Variants in P3H2 observed in about 807,000 individuals in gnomAD.
P3H2 encodes prolyl 3-hydroxylase 2, also known as leprecan-like 1.
Under a neutral mutation model 87.0 loss-of-function variants are expected in P3H2, and 80 were observed. That is an observed-to-expected ratio of 0.92 (90% confidence interval 0.77 to 1.11). The LOEUF is 1.11. Among genes scored for constraint, P3H2 ranks in the 50% least tolerant of loss-of-function variants. P3H2 has a pLI of 0.00. For missense variants in P3H2, 1,001 were observed against 923.9 expected (o/e 1.08, Z -1.08); for synonymous variants, 367 against 359.3 (o/e 1.02, Z -0.24).
At chr3:189,999,788 A>G (rs1724154764) in intron 1 of P3H2, among the ~76,000 whole-genome samples, 1 of 152,230 alleles carries the variant, frequency 6.6e-6, no homozygotes, top group South Asian at 2.1e-4. Context: ...CGTTTAGGGG[A>G]GGCCACTGAG....
chr3:190,109,118 A>G (rs1022085916), intron 1 of P3H2, among the ~76,000 whole-genome samples: 4 of 152,184 alleles, frequency 2.6e-5, no homozygotes, highest in African/African-American at 4.8e-5. Flanking sequence ...CGTGAGACAG[A>G]TATCAGAGTG....
At chr3:189,981,348 C>G (rs751475073) in intron 8 of P3H2, among the ~76,000 whole-genome samples, 2 of 152,174 alleles carry the variant, frequency 1.3e-5, no homozygotes, top group African/African-American at 2.4e-5. Flanking sequence ...TCCAGACAGA[C>G]AGTGTCAGAA....
intron 8 of P3H2, 109 bp from the exon 9 acceptor site, chr3:189,974,794 G>C (rs1319686077): frequency 1.5e-6 from 2 of 1,321,020 alleles, no homozygotes; most frequent in South Asian, 1.2e-5. Flanking sequence ...ATTTCTTCAT[G>C]AATATTTAGA....
intron 1 of P3H2, among the ~76,000 whole-genome samples, chr3:190,058,128 G>A (rs550223209): frequency 6.6e-6 from 1 of 152,204 alleles, no homozygotes; most frequent in African/African-American, 2.4e-5. Flanking sequence ...AGTCATTCCT[G>A]ACTTAATATA....
chr3:189,969,204 A>G, intron 13 of P3H2: 1 of 722,116 alleles, frequency 1.4e-6, no homozygotes, highest in Non-Finnish European at 2.6e-6. Flanking sequence ...TCCAGCAGTC[A>G]TAATCTGTCA....
At chr3:190,051,292 C>T (rs1725973296) in intron 1 of P3H2, among the ~76,000 whole-genome samples, 1 of 152,052 alleles carries the variant, frequency 6.6e-6, no homozygotes, top group African/African-American at 2.4e-5. Flanking sequence ...ACAACCAATA[C>T]AAAATAACAT....
chr3:190,090,831 C>A (rs560158565), intron 1 of P3H2, among the ~76,000 whole-genome samples: 1 of 152,258 alleles, frequency 6.6e-6, no homozygotes, highest in South Asian at 2.1e-4. Flanking sequence ...AGAGCCCCAC[C>A]CCATTTCCTC....
intron 1 of P3H2, among the ~76,000 whole-genome samples, chr3:190,042,295 G>A (rs968680750): frequency 1.8e-4 from 28 of 152,146 alleles, no homozygotes; most frequent in African/African-American, 6.5e-4. Context: ...TTTGTGGCAA[G>A]TAACTATGAA....
At chr3:190,037,265 C>A (rs1725455044) in intron 1 of P3H2, among the ~76,000 whole-genome samples, 1 of 151,790 alleles carries the variant, frequency 6.6e-6, no homozygotes, top group Non-Finnish European at 1.5e-5. Flanking sequence ...ACTGCCTTCC[C>A]TAAAAGGAGA....
chr3:190,089,547 G>A lies in P3H2; in HGVS notation c.480+30705C>T, dbSNP rs541767400. Among the ~76,000 whole-genome samples, 11 of 152,266 alleles carry A rather than the reference G, an allele frequency of 7.2e-5. No individual in the cohort carries two copies. In the South Asian group the frequency reaches 1.9e-3, roughly 26 times the overall value. ...CCTTCTGTTCCCGCCCTCCCAACAG[G>A]AGGACTGGACGGATGTTCTGTCCTG... is the stretch of plus-strand genomic sequence containing the variant. On this transcript the variant is annotated intron_variant, in intron 1 of 14. Transcript: ENST00000319332.
chr3:190,024,530 C>CAAAAAAAAAAAAAA (rs71635314), intron 1 of P3H2, among the ~76,000 whole-genome samples: 4 of 52,952 alleles, frequency 7.6e-5, no homozygotes, highest in Admixed American at 2.5e-4. Context: ...GGTTCCCTCT[C>CAAAAAAAAAAAAAA]AAAAAAAAAA....
chr3:189,994,200 T>C lies in P3H2; in HGVS notation c.717A>G (p.Glu239=). The change falls in exon 3 of 15, where the codon GAA becomes GAG. Residue 239 remains glutamate (E), a synonymous_variant. Transcript: ENST00000319332. ...AIRHFEQALR[E]YFVEDTECRT... ...GGCATTCTGTATCTTCAACGAAATA[T>C]TCTCTTAAGGCTTGTTCGAAGTGCC... The C allele has an allele frequency of 1.9e-6, 3 of 1,613,834 alleles. No homozygotes were observed. Among genetic ancestry groups the C allele is most frequent in the Non-Finnish European group, 2.5e-6 (3 of 1,179,850 alleles).
In P3H2 at chr3:190,055,872, C is replaced by G. The variant is rs113377606; in HGVS notation, c.481-60430G>C. ...TTTTTCCTTCTTGGGATGTACTATGCTTTGTAATTGGGATTTACTTGTGTG... is the reference window on the plus strand; with the variant it reads ...TTTTTCCTTCTTGGGATGTACTATGGTTTGTAATTGGGATTTACTTGTGTG... On this transcript the variant is annotated intron_variant, in intron 1 of 14. Transcript: ENST00000319332. Among the ~76,000 whole-genome samples the G allele has an allele frequency of 3.1e-3, 468 of 152,214 alleles. 3 individuals are homozygous for G. The highest frequency in any genetic ancestry group is 0.011 in the African/African-American group (440 of 41,538).
chr3:189,962,208 G>A (rs1477960313), intron 14 of P3H2, among the ~76,000 whole-genome samples: 8 of 118,764 alleles, frequency 6.7e-5, no homozygotes, highest in African/African-American at 2.3e-4. Flanking sequence ...CACTCTTGTC[G>A]CCCAGGTTAC....
chr3:189,964,234 T>G (rs111388236), intron 13 of P3H2, 136 bp from the exon 14 acceptor site: 1 of 815,166 alleles, frequency 1.2e-6, no homozygotes, highest in Non-Finnish European at 2.0e-6. Flanking sequence ...TTGAAGATGA[T>G]GTAAATTATC....
In P3H2 at chr3:190,109,909, C is replaced by T. The variant is rs551583779; in HGVS notation, c.480+10343G>A. 3.3e-4 allele frequency among the ~76,000 whole-genome samples: 47 copies of T among 142,760 alleles called. No individual in the cohort carries two copies. In the Middle Eastern group the frequency reaches 0.015, roughly 46 times the overall value. 93.7% of individuals were successfully genotyped at this position (142,760 alleles called of 152,430 possible). A position where few individuals can be genotyped will look rare whatever the true frequency, so the allele number is the denominator to read the frequency against. ...TATTGCCTAGGCTGGAATGCAGTGG[C>T]GTGATCTCAGCTCACTGCAGCCTCT... On this transcript the variant is annotated intron_variant, in intron 1 of 14. Transcript: ENST00000319332.
chr3:190,082,365 G>A (rs994862163), intron 1 of P3H2, among the ~76,000 whole-genome samples: 1 of 152,050 alleles, frequency 6.6e-6, no homozygotes, highest in African/African-American at 2.4e-5. Flanking sequence ...AAACATACAA[G>A]GTAGTCTTGG....
chr3:190,021,359 G>T (rs1724922833), intron 1 of P3H2, among the ~76,000 whole-genome samples: 1 of 134,436 alleles, frequency 7.4e-6, no homozygotes, highest in Non-Finnish European at 1.7e-5. Context: ...ATTTCCTTAA[G>T]ATTGAAAAAG....
chr3:190,076,511 C>T (rs1377607836), intron 1 of P3H2, among the ~76,000 whole-genome samples: 1 of 152,202 alleles, frequency 6.6e-6, no homozygotes, highest in Non-Finnish European at 1.5e-5. Flanking sequence ...CTCACTCATT[C>T]ACATATCCAC....
Sources: allele counts gnomAD v4.1 joint callset (sites outside exome capture counted in the v4.1 genomes callset), GRCh38; gene constraint gnomAD v4.1.1; transcripts MANE v1.5; gene names NCBI Gene and HGNC (gene_info 2026-07-23, HGNC 2026-07-21).